Variants in SEMA5B observed in about 807,000 individuals in gnomAD.
SEMA5B encodes the protein semaphorin-5B.
Under a neutral mutation model 135.0 loss-of-function variants are expected in SEMA5B, and 66 were observed. The ratio of observed to expected loss-of-function variants is 0.49; its 90% CI spans 0.40 to 0.60. The LOEUF (loss-of-function observed/expected upper bound fraction) is 0.60, where lower values mean the gene tolerates loss of function less well. Ranked by LOEUF, SEMA5B falls within the 20% of genes least tolerant of loss-of-function variation. The pLI, the probability that SEMA5B is intolerant of heterozygous loss-of-function variation, is 0.00. For missense variants in SEMA5B, 1,501 were observed against 1,566.3 expected, an observed-to-expected ratio of 0.96 and a Z score of 0.70; for synonymous variants, 690 against 639.5, an observed-to-expected ratio of 1.08 and a Z score of -1.19.
chr3:122,974,907 C>T (rs1941261604), intron 1 of SEMA5B, among the ~76,000 whole-genome samples: 1 of 152,158 alleles, frequency 6.6e-6, no homozygotes. Context: ...CTATGACTCA[C>T]CCTGCAGGCC....
intron 1 of SEMA5B, among the ~76,000 whole-genome samples, chr3:122,965,535 CAA>C (rs1396292163): frequency 3.9e-5 from 6 of 152,172 alleles, no homozygotes; most frequent in African/African-American, 1.4e-4. Context: ...AACCATAAGA[CAA>C]GAGACAAGCC....
At position 122,926,472 on chromosome 3, in the gene SEMA5B, G is replaced by T; in HGVS notation, c.1056C>A (p.Val352=). The change falls in exon 9 of 23, where the codon GTC becomes GTA. Residue 352 remains valine (V), a synonymous_variant. Coordinates refer to ENST00000357599, the MANE Select transcript of SEMA5B (RefSeq NM_001031702.4). ...TCTGCAGCTCGTTATAGTAGAAGGG[G>T]ACCTCGCCCGGGCGGGAGCAGTTGA... ...ARLNCSRPGE[V]PFYYNELQSA... is the part of the protein sequence containing the mutation. 1 of 1,614,210 alleles carries T rather than the reference G, an allele frequency of 6.2e-7. No individual in the cohort carries two copies. The highest frequency in any genetic ancestry group is 8.5e-7 in the Non-Finnish European group (1 of 1,180,040).
intron 5 of SEMA5B, among the ~76,000 whole-genome samples, chr3:122,936,420 G>C (rs532378206): frequency 2.6e-5 from 4 of 152,136 alleles, no homozygotes; most frequent in Non-Finnish European, 5.9e-5. Context: ...GGAGGACGTG[G>C]AGATAAACTG....
In SEMA5B at chr3:122,961,163, C is replaced by A. The variant is rs1313890809; in HGVS notation, c.101G>T (p.Gly34Val). 6.2e-7 allele frequency: 1 copy of A among 1,612,932 alleles called. No individual in the cohort carries two copies. Among genetic ancestry groups the A allele is most frequent in the Non-Finnish European group, 8.5e-7 (1 of 1,179,332 alleles). The change falls in exon 2 of 23, where the codon GGC becomes GTC. Residue 34 changes from glycine to valine, a missense_variant. Around this residue, in one of 2 missense-constraint regions of SEMA5B, gnomAD observed 574 missense variants for 684.7 expected, o/e 0.84. Coordinates refer to ENST00000357599, the MANE Select transcript of SEMA5B (RefSeq NM_001031702.4). ...QQLRCGWTVG[G>V]WLLSLVRGLL... ...ACCCCTGACCAGTGAGAGAAGCCAG[C>A]CCCCTACTGTCCATCCACACCTTAG...
In SEMA5B at chr3:122,915,627, G is replaced by A; in HGVS notation, c.1807-6C>T. On this transcript the variant is annotated splice_region_variant and splice_polypyrimidine_tract_variant and intron_variant, in intron 13 of 22. Transcript: ENST00000357599. ...TCCCGTGTCACATTCCGCACCTGAA[G>A]ACACACATGGGAGACAGTACCCCTA... 6.2e-7 allele frequency: 1 copy of A among 1,609,688 alleles called. No homozygotes were observed. Among genetic ancestry groups the A allele is most frequent in the Non-Finnish European group, 8.5e-7 (1 of 1,176,930 alleles).
chr3:122,987,848 A>T (rs986938047), intron 1 of SEMA5B, among the ~76,000 whole-genome samples: 3 of 149,812 alleles, frequency 2.0e-5, no homozygotes, highest in East Asian at 2.0e-4. Flanking sequence ...TTTGAAATTT[A>T]TTTTTTTTTT....
At chr3:123,007,010 C>T (rs1047130643) in intron 1 of SEMA5B, among the ~76,000 whole-genome samples, 5 of 152,166 alleles carry the variant, frequency 3.3e-5, no homozygotes, top group African/African-American at 1.2e-4. Context: ...GAACTTCCCA[C>T]CCAGAAAAGC....
intron 1 of SEMA5B, among the ~76,000 whole-genome samples, chr3:123,022,749 G>A (rs1942715009): frequency 6.6e-6 from 1 of 152,172 alleles, no homozygotes; most frequent in Non-Finnish European, 1.5e-5. Context: ...AGGACTGAGA[G>A]GCCATTCTGC....
chr3:122,934,763 C>T (rs1939168369), intron 5 of SEMA5B, among the ~76,000 whole-genome samples: 2 of 151,706 alleles, frequency 1.3e-5, no homozygotes, highest in South Asian at 4.2e-4. Context: ...TACCTGTAAT[C>T]CGAGCACTTT....
chr3:122,981,600 C>G (rs11707057), intron 1 of SEMA5B, among the ~76,000 whole-genome samples: 2 of 152,306 alleles, frequency 1.3e-5, no homozygotes, highest in Admixed American at 1.3e-4. Context: ...AACAGCACAC[C>G]GAGGACAAAG....
intron 1 of SEMA5B, among the ~76,000 whole-genome samples, chr3:123,003,445 A>G (rs973644993): frequency 6.6e-6 from 1 of 152,202 alleles, no homozygotes; most frequent in South Asian, 2.1e-4. Flanking sequence ...AGATAAAAAA[A>G]AAAATCATGT....
At chr3:123,023,824 T>C (rs979775547) in intron 1 of SEMA5B, among the ~76,000 whole-genome samples, 2 of 152,224 alleles carry the variant, frequency 1.3e-5, no homozygotes, top group East Asian at 3.8e-4. Context: ...GCATGTGTTG[T>C]TTACTGTTGT....
intron 5 of SEMA5B, among the ~76,000 whole-genome samples, chr3:122,931,100 G>T (rs1042610823): frequency 6.6e-6 from 1 of 152,054 alleles, no homozygotes; most frequent in Non-Finnish European, 1.5e-5. Context: ...AGTTTAAAAA[G>T]TTAAATAGTA....
chr3:122,998,187 T>A (rs372513233), intron 1 of SEMA5B, among the ~76,000 whole-genome samples: 4 of 151,856 alleles, frequency 2.6e-5, no homozygotes, highest in African/African-American at 9.7e-5. Flanking sequence ...CCAGGGCCCA[T>A]CCACAAAGCC....
At chr3:123,024,767 C>G (rs1280272401) in intron 1 of SEMA5B, among the ~76,000 whole-genome samples, 1 of 152,202 alleles carries the variant, frequency 6.6e-6, no homozygotes, top group African/African-American at 2.4e-5. Context: ...GATGAGCTCA[C>G]TTCTTAGAAT....
chr3:122,928,297 A>T (rs571624730), intron 7 of SEMA5B, among the ~76,000 whole-genome samples: 1 of 152,316 alleles, frequency 6.6e-6, no homozygotes, highest in East Asian at 1.9e-4. Flanking sequence ...CAGGGAGTAA[A>T]TTTTTAGTAT....
chr3:122,913,093 G>A (rs996995780), intron 17 of SEMA5B, 32 bp from the exon 18 acceptor site: 4 of 1,420,054 alleles, frequency 2.8e-6, no homozygotes, highest in African/African-American at 3.0e-5. Flanking sequence ...GCGACTGGGC[G>A]CCCGGCCACC....
chr3:122,984,518 T>G (rs1941635559), intron 1 of SEMA5B, among the ~76,000 whole-genome samples: 1 of 152,134 alleles, frequency 6.6e-6, no homozygotes, highest in South Asian at 2.1e-4. Flanking sequence ...CTTTGCTCTC[T>G]CTCCCTCTGG....
At chr3:122,937,867 G>T (rs1176176688) in intron 5 of SEMA5B, among the ~76,000 whole-genome samples, 2 of 152,206 alleles carry the variant, frequency 1.3e-5, no homozygotes, top group African/African-American at 4.8e-5. Flanking sequence ...AAACCCAGCT[G>T]CCTGGAGCTC....
Sources: allele counts gnomAD v4.1 joint callset (sites outside exome capture counted in the v4.1 genomes callset), GRCh38; gene constraint gnomAD v4.1.1; regional missense constraint gnomAD v4.1.1; transcripts MANE v1.5; gene names NCBI Gene and HGNC (gene_info 2026-07-23, HGNC 2026-07-21).